RAI1: variants seen among roughly 807,000 people sequenced by gnomAD.
RAI1 encodes retinoic acid-induced protein 1.
A neutral mutation model predicts 123.8 loss-of-function variants in RAI1; 9 were observed. The ratio of observed to expected loss-of-function variants is 0.07; its 90% CI spans 0.04 to 0.13. RAI1 has a LOEUF of 0.13. Ranked by LOEUF, RAI1 falls within the 10% of genes least tolerant of loss-of-function variation. RAI1 has a pLI of 1.00. For missense variants in RAI1, 2,256 were observed against 2,545.8 expected (o/e 0.89, Z 2.45); for synonymous variants, 1,231 against 1,127.3 (o/e 1.09, Z -1.84).
At chr17:17,716,803 C>T (rs1915727575) in intron 1 of RAI1, among the ~76,000 whole-genome samples, 1 of 152,172 alleles carries the variant, frequency 6.6e-6, no homozygotes, top group Non-Finnish European at 1.5e-5. Context: ...TTGTGGTCAC[C>T]ACGGCCCCGT....
chr17:17,793,093 G>T lies in RAI1; in HGVS notation c.145G>T (p.Asp49Tyr), dbSNP rs370209009. The change falls in exon 3 of 6, where the codon GAC (aspartate) becomes TAC (tyrosine). Residue 49 changes from aspartate to tyrosine, a missense_variant. This residue lies in a region of RAI1 where 336 missense variants were observed against 349.8 expected (regional missense o/e 0.96). Coordinates refer to ENST00000353383, the MANE Select transcript of RAI1 (RefSeq NM_030665.4). ...SCDRQRLLAK[D>Y]YYNPQPYPSY... ...CGACCGGCAGCGGCTGCTCGCCAAGGACTATTATAACCCGCAGCCTTACCC... is the reference window on the plus strand; with the variant it reads ...CGACCGGCAGCGGCTGCTCGCCAAGTACTATTATAACCCGCAGCCTTACCC... 2 of 1,614,156 alleles carry T rather than the reference G, an allele frequency of 1.2e-6. No homozygotes were observed. Among genetic ancestry groups the T allele is most frequent in the Non-Finnish European group, 1.7e-6 (2 of 1,180,038 alleles).
At chr17:17,725,127 G>T (rs919096814) in intron 2 of RAI1, among the ~76,000 whole-genome samples, 2 of 152,002 alleles carry the variant, frequency 1.3e-5, no homozygotes, top group African/African-American at 4.8e-5. Flanking sequence ...CCGGGGCAGG[G>T]AGGGGGCTGG....
In RAI1 at chr17:17,793,500, A is replaced by G. The variant is rs1284762016; in HGVS notation, c.552A>G (p.Ala184=). Residue 184 remains alanine, a synonymous_variant, in exon 3 of 6, where the codon GCA becomes GCG. Coordinates refer to ENST00000353383, the MANE Select transcript of RAI1 (RefSeq NM_030665.4). Reference sequence around the variant, plus strand: ...CACCGCCGCCCCAGCAGCCCCTGGCATACCCCAAGCTCCAAAGGCAGAAGC... The same window carrying G: ...CACCGCCGCCCCAGCAGCCCCTGGCGTACCCCAAGCTCCAAAGGCAGAAGC... ...QQPPPPQQPL[A]YPKLQRQKLQ... 1 of 1,613,970 alleles carries G rather than the reference A, an allele frequency of 6.2e-7. No individual in the cohort carries two copies. The highest frequency in any genetic ancestry group is 1.6e-4 in the Middle Eastern group (1 of 6,062).
At chr17:17,704,482 G>A (rs562805745) in intron 1 of RAI1, among the ~76,000 whole-genome samples, 21 of 152,258 alleles carry the variant, frequency 1.4e-4, no homozygotes, top group Admixed American at 1.0e-3. Flanking sequence ...TTAACCACCA[G>A]CCAGCCTCCC....
At chr17:17,694,641 C>A (rs1425994292) in intron 1 of RAI1, among the ~76,000 whole-genome samples, 1 of 151,902 alleles carries the variant, frequency 6.6e-6, no homozygotes, top group Non-Finnish European at 1.5e-5. Flanking sequence ...GCGGCGCCCA[C>A]CATCTTGGCC....
At chr17:17,722,610 C>A (rs1161626738) in intron 1 of RAI1, among the ~76,000 whole-genome samples, 1 of 152,226 alleles carries the variant, frequency 6.6e-6, no homozygotes, top group Non-Finnish European at 1.5e-5. Flanking sequence ...TGTCTCCGGG[C>A]CGCGACCCAC....
At chr17:17,808,465 TCAGA>T (rs1340218264) in intron 4 of RAI1, among the ~76,000 whole-genome samples, 1 of 148,396 alleles carries the variant, frequency 6.7e-6, no homozygotes, top group African/African-American at 2.5e-5. Flanking sequence ...TTATTTCATC[TCAGA>T]CAGGGCCTGG....
chr17:17,776,824 T>G (rs1261763530), intron 2 of RAI1: 1 of 151,852 alleles, frequency 6.6e-6, no homozygotes, highest in African/African-American at 2.4e-5. Flanking sequence ...CCACCTCACC[T>G]GCCTAGTTCA....
At position 17,809,321 on chromosome 17, in the gene RAI1, G is replaced by A; in HGVS notation, c.5660-69G>A. 2 of 1,400,184 alleles carry A rather than the reference G, an allele frequency of 1.4e-6. No individual in the cohort carries two copies. The allele number at this position is 1,400,184 out of a possible 1,614,324, so 86.7% of individuals were successfully genotyped here. ...GGGCAGTGCGGCTCCCCTCCTGGCT[G>A]CAGACAAAACCCCACAGCTGTGGGG... On this transcript the variant is annotated intron_variant, in intron 4 of 5. Transcript: ENST00000353383. The surrounding 1 kb of genome is among the most constrained non-coding windows in gnomAD (Gnocchi z 4.9).
rs1332607057 is a variant in RAI1 at position 17,685,604 on chromosome 17, C to T, written c.-149+3811C>T. On this transcript the variant is annotated intron_variant, in intron 1 of 5. Transcript: ENST00000353383. This position sits in a 1 kb window ranked among gnomAD's most constrained non-coding sequence, Gnocchi z 4.0. ...AAGAATGGTGGCGGAAGAGGTTGGG[C>T]TGTTGCTGGGACCTCCTCACTGGCC... Among the ~76,000 whole-genome samples, 1 of 152,194 alleles carries T rather than the reference C, an allele frequency of 6.6e-6. No individual in the cohort carries two copies. Among genetic ancestry groups the T allele is most frequent in the Non-Finnish European group, 1.5e-5 (1 of 68,028 alleles).
In RAI1 at chr17:17,795,597, G is replaced by A; in HGVS notation, c.2649G>A (p.Gln883=). 5 of 1,612,994 alleles carry A rather than the reference G, an allele frequency of 3.1e-6. No individual in the cohort carries two copies. Among genetic ancestry groups the A allele is most frequent in the Non-Finnish European group, 4.2e-6 (5 of 1,179,752 alleles). ...GTGAGCTCCTGGGCAGCCCCGAGCAGAGGCCTGGCATGCAGGACCCGCTGT... is the reference window on the plus strand; with the variant it reads ...GTGAGCTCCTGGGCAGCCCCGAGCAAAGGCCTGGCATGCAGGACCCGCTGT... The part of the protein sequence containing the change: ...SLCELLGSPE[Q]RPGMQDPLSP... The change falls in exon 3 of 6, where the codon CAG becomes CAA. Residue 883 remains glutamine (Q), a synonymous_variant. Coordinates refer to ENST00000353383, the MANE Select transcript of RAI1 (RefSeq NM_030665.4). This position sits in a 1 kb window ranked among gnomAD's most constrained non-coding sequence, Gnocchi z 5.9.
intron 2 of RAI1, 50 bp from the exon 3 acceptor site, chr17:17,792,883 C>CAG: frequency 3.7e-6 from 2 of 533,512 alleles, no homozygotes; most frequent in Non-Finnish European, 3.6e-6. Flanking sequence ...CCCTGCCCAT[C>CAG]CTCCCCTCCC....
intron 2 of RAI1, among the ~76,000 whole-genome samples, chr17:17,791,662 G>A (rs2032016244): frequency 6.6e-6 from 1 of 152,236 alleles, no homozygotes; most frequent in Non-Finnish European, 1.5e-5. Context: ...ATGGTTCTGG[G>A]TAAATCCCAA....
At chr17:17,802,057 T>TC in intron 3 of RAI1, 1 of 470,844 alleles carries the variant, frequency 2.1e-6, no homozygotes, top group Non-Finnish European at 4.4e-6. Flanking sequence ...GCACTGTGGC[T>TC]CTGGCGCCTG....
chr17:17,696,774 C>T (rs1244790050), intron 1 of RAI1, among the ~76,000 whole-genome samples: 1 of 152,174 alleles, frequency 6.6e-6, no homozygotes, highest in African/African-American at 2.4e-5. Flanking sequence ...GAGATCTGGG[C>T]TCCAATAGTA....
intron 2 of RAI1, among the ~76,000 whole-genome samples, chr17:17,743,067 T>A (rs926598320): frequency 6.6e-6 from 1 of 152,152 alleles, no homozygotes. Flanking sequence ...CAGCTCACCA[T>A]AGCCTCAACC....
chr17:17,743,274 C>T (rs755986820), intron 2 of RAI1, among the ~76,000 whole-genome samples: 1 of 152,198 alleles, frequency 6.6e-6, no homozygotes, highest in Non-Finnish European at 1.5e-5. Context: ...TGGGCTCACA[C>T]CCCAGCCCCA....
At chr17:17,717,340 T>G (rs1915742323) in intron 1 of RAI1, among the ~76,000 whole-genome samples, 1 of 152,136 alleles carries the variant, frequency 6.6e-6, no homozygotes, top group South Asian at 2.1e-4. Context: ...TGGGCCCAGC[T>G]GTTCCCATGG....
chr17:17,807,806 G>A (rs1368730314), intron 4 of RAI1, among the ~76,000 whole-genome samples: 1 of 152,238 alleles, frequency 6.6e-6, no homozygotes, highest in Non-Finnish European at 1.5e-5. Context: ...ATCTAGTTCA[G>A]CCCCAGAACC....
Sources: allele counts gnomAD v4.1 joint callset (sites outside exome capture counted in the v4.1 genomes callset), GRCh38; gene constraint gnomAD v4.1.1; regional missense constraint gnomAD v4.1.1; non-coding constraint Gnocchi (gnomAD v3.1); transcripts MANE v1.5; gene names NCBI Gene and HGNC (gene_info 2026-07-23, HGNC 2026-07-21).